BRCA1: variants seen among roughly 807,000 people sequenced by gnomAD.
BRCA1 encodes breast cancer type 1 susceptibility protein.
Under a neutral mutation model 173.7 loss-of-function variants are expected in BRCA1, and 140 were observed. That is an observed-to-expected ratio of 0.81 (90% CI 0.70 to 0.93). The LOEUF is 0.93. BRCA1 is among the 40% of genes least tolerant of loss of function. The pLI, the probability that BRCA1 is intolerant of heterozygous loss-of-function variation, is 0.00. For synonymous variants in BRCA1, 662 were observed against 756.0 expected (o/e 0.88, Z 2.04); for missense variants, 1,983 against 2,172.5 (o/e 0.91, Z 1.73).
At chr17:43,107,062 A>ATTTTTTTT (rs35202419) in intron 3 of BRCA1, among the ~76,000 whole-genome samples, 13 of 126,826 alleles carry the variant, frequency 1.0e-4, no homozygotes, top group Admixed American at 1.0e-3. Flanking sequence ...TACCAAGACA[A>ATTTTTTTT]TTTTTTTTTT....
At chr17:43,124,901 A>G (rs2055798589) in intron 1 of BRCA1, 1 of 315,584 alleles carries the variant, frequency 3.2e-6, no homozygotes, top group South Asian at 2.6e-5. Flanking sequence ...GAGCGGCACC[A>G]CGCCCGGCTA....
rs149105731 is a variant in BRCA1, at chr17:43,135,691, C to G, written c.-19-11576G>C. On this transcript the variant is annotated intron_variant, in intron 1 of 7. Coordinates refer to the BRCA1 transcript ENST00000634433. Reference sequence around the variant, plus strand: ...AACGCCACCCTCTAAAGCCTCGGCTCCAACCGATTCCACTTCTGCTTCAGG... The same window carrying G: ...AACGCCACCCTCTAAAGCCTCGGCTGCAACCGATTCCACTTCTGCTTCAGG... Among the ~76,000 whole-genome samples, 399 of 152,312 alleles carry G rather than the reference C, an allele frequency of 2.6e-3. 2 individuals are homozygous for G. The highest frequency in any genetic ancestry group is 5.6e-3 in the Admixed American group (86 of 15,302).
At chr17:43,110,898 C>T (rs1427718731) in intron 3 of BRCA1, among the ~76,000 whole-genome samples, 1 of 151,052 alleles carries the variant, frequency 6.6e-6, no homozygotes, top group East Asian at 2.0e-4. Flanking sequence ...GTCAGGAGTT[C>T]GAGATCAGCC....
intron 6 of BRCA1, among the ~76,000 whole-genome samples, chr17:43,100,705 AATCCCAGCAC>A (rs1490924135): frequency 2.9e-5 from 1 of 34,680 alleles, no homozygotes; most frequent in African/African-American, 6.2e-5. Context: ...ATATATATGT[AATCCCAGCAC>A]TTTGGGATAT....
intron 1 of BRCA1, among the ~76,000 whole-genome samples, chr17:43,133,675 C>A (rs940049420): frequency 6.9e-6 from 1 of 145,766 alleles, no homozygotes; most frequent in Admixed American, 7.1e-5. Context: ...CACTCTGTTA[C>A]CCAGGCTGGA....
intron 14 of BRCA1, among the ~76,000 whole-genome samples, chr17:43,074,042 C>A (rs993311923): frequency 3.3e-5 from 5 of 152,160 alleles, no homozygotes; most frequent in Non-Finnish European, 7.3e-5. Flanking sequence ...CAGGCGTGAG[C>A]CACTATGCCT....
intron 1 of BRCA1, among the ~76,000 whole-genome samples, chr17:43,132,215 G>GC (rs2055973042): frequency 6.6e-6 from 1 of 152,154 alleles, no homozygotes; most frequent in African/African-American, 2.4e-5. Context: ...GGGGCTGAGG[G>GC]CCAAGGGGGG....
chr17:43,118,761 CTT>C (rs35150209), intron 2 of BRCA1, among the ~76,000 whole-genome samples: 17 of 136,532 alleles, frequency 1.2e-4, no homozygotes, highest in Non-Finnish European at 1.3e-4. Flanking sequence ...GAATGTGAAC[CTT>C]TTTTTTTTTT....
chr17:43,045,351 AC>A lies in BRCA1; in HGVS notation c.*326del, dbSNP rs1176849852. 3.4e-6 allele frequency: 2 copies of A among 583,152 alleles called. No homozygotes were observed. Among genetic ancestry groups the A allele is most frequent in the South Asian group, 3.0e-5 (2 of 65,638 alleles). 36.1% of individuals were successfully genotyped at this position (583,152 alleles called of 1,614,324 possible). On this transcript the variant is annotated 3_prime_UTR_variant, in exon 23 of 23. Transcript: ENST00000357654. ...CTGTGCTTCCAGCCCTAAGCCAACA[AC>A]AGCCTGAATAGAAAGAATAGGGCTG...
chr17:43,138,963 C>T, intron 1 of BRCA1: 1 of 778,770 alleles, frequency 1.3e-6, no homozygotes, highest in South Asian at 1.3e-5. Flanking sequence ...CCCCTCCCCA[C>T]AACCTTCACC....
At chr17:43,082,358 G>A in intron 12 of BRCA1, 46 bp downstream of exon 12, 1 of 1,588,860 alleles carries the variant, frequency 6.3e-7, no homozygotes, top group Non-Finnish European at 8.6e-7. Context: ...AAAGGGGAAG[G>A]AAAGAATTTT....
intron 11 of BRCA1, among the ~76,000 whole-genome samples, chr17:43,087,202 T>C (rs540368789): frequency 6.6e-6 from 1 of 152,320 alleles, no homozygotes; most frequent in Admixed American, 6.5e-5. Flanking sequence ...TAATCAGGGA[T>C]GTAGGCAAAT....
At chr17:43,169,179 ATTTC>A (rs1464679317) in intron 1 of BRCA1, among the ~76,000 whole-genome samples, 1 of 151,508 alleles carries the variant, frequency 6.6e-6, no homozygotes, top group Non-Finnish European at 1.5e-5. Context: ...GCCGGTGTTT[ATTTC>A]TTTGTTTGTT....
intron 15 of BRCA1, 133 bp from the exon 16 acceptor site, chr17:43,067,828 T>A: frequency 2.1e-6 from 1 of 465,144 alleles, no homozygotes; most frequent in Non-Finnish European, 3.6e-6. Flanking sequence ...TGGAACTATT[T>A]AAAGTGAATT....
chr17:43,080,649 A>T lies in BRCA1; in HGVS notation c.4357+1755T>A, dbSNP rs963605294. On this transcript the variant is annotated intron_variant, in intron 12 of 22. Transcript: ENST00000357654. ...GGGAGACCTTGTCTCTACAAAAAAT[A>T]AAAAAAAAAATTAGCTGGGTATGGT... 2.7e-5 allele frequency among the ~76,000 whole-genome samples: 4 copies of T among 148,636 alleles called. No homozygotes were observed. The South Asian group carries it at 6.3e-4, about 24-fold the overall frequency.
intron 5 of BRCA1, among the ~76,000 whole-genome samples, chr17:43,104,499 TTAACAC>T (rs1389243439): frequency 1.3e-5 from 2 of 152,196 alleles, no homozygotes; most frequent in African/African-American, 2.4e-5. Flanking sequence ...GTTTTCTACC[TTAACAC>T]TAAGAAATTT....
rs780367532 is a variant in BRCA1, at chr17:43,092,646, T to C, written c.2885A>G (p.Glu962Gly). The change falls in exon 10 of 23, where the codon GAA becomes GGA. Residue 962 changes from glutamate (E) to glycine (G), a missense_variant. By Grantham distance (98) the Glu-to-Gly change is moderately conservative. Transcript: ENST00000357654. ...FCLSSQFRGN[E>G]TGLITPNKHG... ...TTTATTTGGAGTAATGAGTCCAGTTTCGTTGCCTCTGAACTGAGATGATAG... is the reference window on the plus strand; with the variant it reads ...TTTATTTGGAGTAATGAGTCCAGTTCCGTTGCCTCTGAACTGAGATGATAG... The C allele has an allele frequency of 1.2e-6, 2 of 1,614,020 alleles. No homozygotes were observed. Among genetic ancestry groups the C allele is most frequent in the Non-Finnish European group, 1.7e-6 (2 of 1,180,010 alleles).
intron 1 of BRCA1, among the ~76,000 whole-genome samples, chr17:43,150,317 C>A (rs1355546985): frequency 6.6e-6 from 1 of 152,014 alleles, no homozygotes; most frequent in African/African-American, 2.4e-5. Context: ...ATCATGTTGG[C>A]CAGGCTGGTC....
chr17:43,135,008 C>T (rs1337166589), intron 1 of BRCA1, among the ~76,000 whole-genome samples: 1 of 152,366 alleles, frequency 6.6e-6, no homozygotes, highest in Non-Finnish European at 1.5e-5. Context: ...CTCAGCCCTA[C>T]ATGCACCCAC....
Sources: allele counts gnomAD v4.1 joint callset (sites outside exome capture counted in the v4.1 genomes callset), GRCh38; gene constraint gnomAD v4.1.1; transcripts MANE v1.5; gene names NCBI Gene and HGNC (gene_info 2026-07-23, HGNC 2026-07-21).